The following ZNF676 variants were observed in gnomAD, a reference collection of about 807,000 sequenced individuals.
The protein encoded by ZNF676 is zinc finger protein 676.
In ZNF676, 4 loss-of-function variants were observed where a neutral mutation model predicts 6.0. That is an observed-to-expected ratio of 0.67 (90% CI 0.33 to 1.53). The LOEUF is 1.53. Ranked by LOEUF, ZNF676 falls within the 40% of genes most tolerant of loss-of-function variation. The pLI is 0.06. For synonymous variants in ZNF676, 198 were observed against 223.1 expected (o/e 0.89, Z 1.00); for missense variants, 644 against 679.7 (o/e 0.95, Z 0.58).
chr19:22,215,058 A>AC (rs2024169730), intron 1 of ZNF676, among the ~76,000 whole-genome samples: 1 of 119,514 alleles, frequency 8.4e-6, no homozygotes, highest in Non-Finnish European at 1.7e-5. Flanking sequence ...AAAAAAAAAA[A>AC]AACAACAAAA....
intron 1 of ZNF676, among the ~76,000 whole-genome samples, chr19:22,213,378 TTGTC>T (rs1407500270): frequency 2.6e-5 from 4 of 152,200 alleles, no homozygotes; most frequent in African/African-American, 4.8e-5. Flanking sequence ...CGGCATCTGA[TTGTC>T]TGAACAGCAA....
chr19:22,191,039 T>G (rs4614861), intron 2 of ZNF676, among the ~76,000 whole-genome samples: 2 of 151,866 alleles, frequency 1.3e-5, no homozygotes, highest in Non-Finnish European at 2.9e-5. Flanking sequence ...AATGAGAGAA[T>G]CAGACATCAT....
chr19:22,253,778 CTG>C, the ZNF676 span, among the ~76,000 whole-genome samples: 4 of 152,036 alleles, frequency 2.6e-5, no homozygotes, highest in African/African-American at 9.7e-5. Flanking sequence ...GTCTGTCCAT[CTG>C]TGAGGGCGAC....
At chr19:22,187,798 C>T (rs2023858207) in intron 2 of ZNF676, among the ~76,000 whole-genome samples, 1 of 152,078 alleles carries the variant, frequency 6.6e-6, no homozygotes, top group South Asian at 2.1e-4. Context: ...AGGACACATA[C>T]ACCCTCCCAA....
At chr19:22,250,113 C>A in the ZNF676 span, among the ~76,000 whole-genome samples, 1 of 150,426 alleles carries the variant, frequency 6.6e-6, no homozygotes. Flanking sequence ...GCCCAGGAGG[C>A]GGAGGTTTCA....
the ZNF676 span, among the ~76,000 whole-genome samples, chr19:22,246,952 A>C: frequency 6.6e-6 from 1 of 152,194 alleles, no homozygotes; most frequent in Non-Finnish European, 1.5e-5. Context: ...CTTCTCTAAT[A>C]AACTTGCTTT....
chr19:22,187,220 G>A (rs747028324), intron 2 of ZNF676, among the ~76,000 whole-genome samples: 6 of 151,968 alleles, frequency 3.9e-5, no homozygotes, highest in Admixed American at 1.3e-4. Context: ...AGAAACTCAC[G>A]CAAAACCGTA....
At chr19:22,237,167 C>A in the ZNF676 span, among the ~76,000 whole-genome samples, 1 of 152,174 alleles carries the variant, frequency 6.6e-6, no homozygotes, top group South Asian at 2.1e-4. Flanking sequence ...TGTGCCTAAG[C>A]CTTTTGATTC....
chr19:22,192,377 A>G (rs1462695540), intron 2 of ZNF676, among the ~76,000 whole-genome samples: 1 of 152,116 alleles, frequency 6.6e-6, no homozygotes, highest in Non-Finnish European at 1.5e-5. Context: ...CATATTACCC[A>G]AAGTGATCTC....
chr19:22,210,178 G>A (rs1479370908), intron 1 of ZNF676, among the ~76,000 whole-genome samples: 2 of 152,132 alleles, frequency 1.3e-5, no homozygotes, highest in South Asian at 2.1e-4. Flanking sequence ...TCTAGGCCAG[G>A]AGTCTGTGAT....
At chr19:22,200,876 T>C (rs2024018928), upstream of ZNF676, among the ~76,000 whole-genome samples, 1 of 152,014 alleles carries the variant, frequency 6.6e-6, no homozygotes, top group Admixed American at 6.6e-5. Context: ...TTTATGACTA[T>C]ATGAAATTGA....
upstream of ZNF676, among the ~76,000 whole-genome samples, chr19:22,217,127 G>A (rs1187379019): frequency 6.6e-6 from 1 of 152,014 alleles, no homozygotes; most frequent in Non-Finnish European, 1.5e-5. Flanking sequence ...TACCCAATGT[G>A]TAGTCTTTCA....
chr19:22,237,702 G>C, the ZNF676 span, among the ~76,000 whole-genome samples: 2 of 152,212 alleles, frequency 1.3e-5, no homozygotes, highest in Non-Finnish European at 2.9e-5. Flanking sequence ...GCATGCATCA[G>C]AAAGGGGATG....
the ZNF676 span, among the ~76,000 whole-genome samples, chr19:22,236,545 A>G: frequency 6.6e-6 from 1 of 152,152 alleles, no homozygotes; most frequent in African/African-American, 2.4e-5. Context: ...TTGGGGAAAG[A>G]TGGGAGAAAG....
chr19:22,226,368 G>T, the ZNF676 span, among the ~76,000 whole-genome samples: 9 of 151,994 alleles, frequency 5.9e-5, no homozygotes, highest in South Asian at 6.2e-4. Flanking sequence ...TGGGTGTTTG[G>T]CTAGTTATAG....
At chr19:22,226,681 C>T in the ZNF676 span, among the ~76,000 whole-genome samples, 2 of 151,234 alleles carry the variant, frequency 1.3e-5, no homozygotes, top group East Asian at 3.9e-4. Context: ...AACACAACCT[C>T]CACCTTCTGG....
chr19:22,200,419 A>T (rs115249110), upstream of ZNF676, among the ~76,000 whole-genome samples: 2,656 of 151,180 alleles, frequency 0.018, 49 homozygotes, highest in African/African-American at 0.04. Context: ...ACATCTATTT[A>T]TTGTACCCAC....
At chr19:22,216,104 A>C (rs2024185900), upstream of ZNF676, among the ~76,000 whole-genome samples, 1 of 152,248 alleles carries the variant, frequency 6.6e-6, no homozygotes, top group Admixed American at 6.5e-5. Flanking sequence ...ACTTTTGTAC[A>C]AGAGTAAATC....
chr19:22,250,769 T>G, the ZNF676 span, among the ~76,000 whole-genome samples: 3 of 151,628 alleles, frequency 2.0e-5, no homozygotes, highest in African/African-American at 7.3e-5. Context: ...TGGGGTACAA[T>G]GGTGTGATTT....
Sources: allele counts gnomAD v4.1 joint callset (sites outside exome capture counted in the v4.1 genomes callset), GRCh38; gene constraint gnomAD v4.1.1; transcripts MANE v1.5; gene names NCBI Gene and HGNC (gene_info 2026-07-23, HGNC 2026-07-21).